NFATC2: variants seen among roughly 807,000 people sequenced by gnomAD.
NFATC2 encodes the protein nuclear factor of activated T cells 2, also known as nuclear factor of activated T-cells, cytoplasmic 2.
A neutral mutation model predicts 87.3 loss-of-function variants in NFATC2; 22 were observed. The ratio of observed to expected loss-of-function variants is 0.25; its 90% CI spans 0.18 to 0.36. The LOEUF (loss-of-function observed/expected upper bound fraction) is 0.36, where lower values mean the gene tolerates loss of function less well. Ranked by LOEUF, NFATC2 falls within the 10% of genes least tolerant of loss-of-function variation. The probability of loss-of-function intolerance (pLI) is 1.00; values close to 1 mark genes in which losing one functional copy is unlikely to be tolerated. For synonymous variants in NFATC2, 565 were observed against 542.2 expected, an observed-to-expected ratio of 1.04 and a Z score of -0.58; for missense variants, 1,149 against 1,259.1, an observed-to-expected ratio of 0.91 and a Z score of 1.32.
At chr20:51,426,407 G>C (rs1013730767) in intron 9 of NFATC2, among the ~76,000 whole-genome samples, 4 of 152,120 alleles carry the variant, frequency 2.6e-5, no homozygotes, top group Non-Finnish European at 5.9e-5. Context: ...GAACCCAGGA[G>C]GCAGAGGTTG....
rs1229542349 is a variant in NFATC2 at position 51,390,324 on chromosome 20, C to T, written c.*1172G>A. 1 of 152,230 alleles carries T rather than the reference C, an allele frequency of 6.6e-6. No homozygotes were observed. 9.4% of individuals were successfully genotyped at this position (152,230 alleles called of 1,614,324 possible). ...TCGGCTGTCCCACTTAGAGGGAATT[C>T]AGCCCTTTTCCTCTATCTTGGTAGA... On this transcript the variant is annotated 3_prime_UTR_variant, in exon 11 of 11. Coordinates refer to ENST00000371564, the MANE Select transcript of NFATC2 (RefSeq NM_012340.5).
At chr20:51,481,188 G>A (rs1381254885) in intron 3 of NFATC2, among the ~76,000 whole-genome samples, 3 of 152,210 alleles carry the variant, frequency 2.0e-5, no homozygotes, top group Non-Finnish European at 2.9e-5. Flanking sequence ...TTGATGAGAA[G>A]AACAGATAGC....
At chr20:51,520,433 TTTC>T (rs1027092829) in intron 2 of NFATC2, among the ~76,000 whole-genome samples, 13 of 124,676 alleles carry the variant, frequency 1.0e-4, no homozygotes, top group African/African-American at 3.6e-4. Flanking sequence ...TGATCAGGAT[TTTC>T]TTTTTTTTTT....
chr20:51,418,157 G>A (rs1568948015), intron 9 of NFATC2, among the ~76,000 whole-genome samples: 1 of 152,214 alleles, frequency 6.6e-6, no homozygotes, highest in Non-Finnish European at 1.5e-5. Context: ...CACACTCAGA[G>A]AGTGCTAGGA....
At chr20:51,465,755 G>A (rs1987618979) in intron 5 of NFATC2, among the ~76,000 whole-genome samples, 1 of 152,062 alleles carries the variant, frequency 6.6e-6, no homozygotes, top group Non-Finnish European at 1.5e-5. Context: ...CGTGGTCCTT[G>A]TTATTTTCAT....
intron 9 of NFATC2, among the ~76,000 whole-genome samples, chr20:51,418,714 G>T (rs1404464833): frequency 6.8e-6 from 1 of 147,944 alleles, no homozygotes; most frequent in Non-Finnish European, 1.5e-5. Flanking sequence ...CCAGGCTGGA[G>T]TGCAGTGGTA....
At chr20:51,522,420 A>G (rs1484642460) in intron 2 of NFATC2, among the ~76,000 whole-genome samples, 4 of 152,212 alleles carry the variant, frequency 2.6e-5, no homozygotes, top group East Asian at 3.8e-4. Flanking sequence ...GCAGAAAGGC[A>G]GCAGCAGAGA....
chr20:51,532,884 G>A (rs2076658109), intron 1 of NFATC2, among the ~76,000 whole-genome samples: 1 of 152,256 alleles, frequency 6.6e-6, no homozygotes, highest in Non-Finnish European at 1.5e-5. Flanking sequence ...AGGCTTGAGT[G>A]GCTGGGAAGA....
At chr20:51,541,682 T>C (rs188263891) in intron 1 of NFATC2, among the ~76,000 whole-genome samples, 16 of 152,280 alleles carry the variant, frequency 1.1e-4, no homozygotes, top group East Asian at 1.9e-4. Flanking sequence ...TCACTTAATA[T>C]AGCTCAGACC....
At chr20:51,521,733 T>C (rs1293748663) in intron 2 of NFATC2, among the ~76,000 whole-genome samples, 1 of 152,242 alleles carries the variant, frequency 6.6e-6, no homozygotes, top group African/African-American at 2.4e-5. Flanking sequence ...CAATTCCTCA[T>C]GTAGGAGAAC....
intron 9 of NFATC2, among the ~76,000 whole-genome samples, chr20:51,404,219 C>T (rs564429298): frequency 4.6e-5 from 7 of 152,236 alleles, no homozygotes; most frequent in Non-Finnish European, 7.3e-5. Context: ...GAGGGGCTCA[C>T]ACCCTGGGGT....
chr20:51,446,820 C>G (rs1212227445), intron 6 of NFATC2, among the ~76,000 whole-genome samples: 1 of 152,212 alleles, frequency 6.6e-6, no homozygotes, highest in Non-Finnish European at 1.5e-5. Context: ...TGGGCTCCAG[C>G]CCGGGGGGCC....
chr20:51,520,569 AAAAGAGAAGG>A (rs1391378172), intron 2 of NFATC2, among the ~76,000 whole-genome samples: 1 of 152,008 alleles, frequency 6.6e-6, no homozygotes, highest in Non-Finnish European at 1.5e-5. Context: ...ACGAAGGGTA[AAAAGAGAAGG>A]AAAGCAGGAA....
At chr20:51,423,521 C>T (rs950917522) in intron 9 of NFATC2, among the ~76,000 whole-genome samples, 1 of 152,112 alleles carries the variant, frequency 6.6e-6, no homozygotes, top group African/African-American at 2.4e-5. Flanking sequence ...AAGAATGAAA[C>T]TACAAAGGAG....
chr20:51,473,916 C>T (rs771954370), intron 5 of NFATC2, 64 bp downstream of exon 5: 9 of 1,561,564 alleles, frequency 5.8e-6, no homozygotes, highest in Non-Finnish European at 7.0e-6. Flanking sequence ...ATACACTGCT[C>T]CCGGGGGAAG....
At chr20:51,529,860 AC>A (rs1401306661) in intron 1 of NFATC2, among the ~76,000 whole-genome samples, 1 of 152,200 alleles carries the variant, frequency 6.6e-6, no homozygotes, top group African/African-American at 2.4e-5. Flanking sequence ...AATAAAACTT[AC>A]TAAATTCAAG....
chr20:51,512,573 C>T (rs1306176480), intron 3 of NFATC2, among the ~76,000 whole-genome samples: 2 of 152,120 alleles, frequency 1.3e-5, no homozygotes, highest in African/African-American at 2.4e-5. Flanking sequence ...TCTCCCAAGA[C>T]CAAGTACCAT....
At chr20:51,559,597 G>A (rs2077004877) in intron 1 of NFATC2, among the ~76,000 whole-genome samples, 1 of 152,224 alleles carries the variant, frequency 6.6e-6, no homozygotes, top group Non-Finnish European at 1.5e-5. Flanking sequence ...AGGAGACCAT[G>A]ATTGCAGTAC....
chr20:51,556,429 G>T (rs182615424), intron 1 of NFATC2, among the ~76,000 whole-genome samples: 1 of 152,160 alleles, frequency 6.6e-6, no homozygotes, highest in East Asian at 1.9e-4. Context: ...TTGGTCCCTG[G>T]TCCTTGACGG....
Sources: allele counts gnomAD v4.1 joint callset (sites outside exome capture counted in the v4.1 genomes callset), GRCh38; gene constraint gnomAD v4.1.1; transcripts MANE v1.5; gene names NCBI Gene and HGNC (gene_info 2026-07-23, HGNC 2026-07-21).